Variants in PCDHGB5 observed in about 807,000 individuals in gnomAD.
PCDHGB5 encodes protocadherin gamma-B5.
In PCDHGB5, 48 loss-of-function variants were observed where a neutral mutation model predicts 62.9. That is an observed-to-expected ratio of 0.76 (90% CI 0.61 to 0.97). The LOEUF is 0.97. Ranked by LOEUF, PCDHGB5 falls within the 50% of genes least tolerant of loss-of-function variation. The pLI, the probability that PCDHGB5 is intolerant of heterozygous loss-of-function variation, is 0.00. For synonymous variants in PCDHGB5, 474 were observed against 511.2 expected, an observed-to-expected ratio of 0.93 and a Z score of 0.98; for missense variants, 1,118 against 1,198.6, an observed-to-expected ratio of 0.93 and a Z score of 0.99.
chr5:141,442,534 GA>G (rs1156284172), intron 1 of PCDHGB5: 1 of 152,222 alleles, frequency 6.6e-6, no homozygotes, highest in Non-Finnish European at 1.5e-5. Context: ...TCTCCAAGGT[GA>G]AAAATTCTTG....
chr5:141,500,433 T>C (rs1398344932), intron 2 of PCDHGB5, among the ~76,000 whole-genome samples: 1 of 151,764 alleles, frequency 6.6e-6, no homozygotes, highest in East Asian at 1.9e-4. Context: ...ATGGTCTCGA[T>C]CTCCTGACCT....
intron 1 of PCDHGB5, chr5:141,403,462 C>A: frequency 6.2e-7 from 1 of 1,614,050 alleles, no homozygotes; most frequent in South Asian, 1.1e-5. Flanking sequence ...TCCAGAGCTA[C>A]CAGCTCAGCC....
intron 1 of PCDHGB5, among the ~76,000 whole-genome samples, chr5:141,471,120 C>T (rs560582806): frequency 6.7e-6 from 1 of 149,470 alleles, no homozygotes; most frequent in South Asian, 2.1e-4. Context: ...GCGATCTTAC[C>T]TTCACTGCAA....
intron 1 of PCDHGB5, among the ~76,000 whole-genome samples, chr5:141,467,441 T>C (rs919148544): frequency 6.6e-6 from 1 of 152,340 alleles, no homozygotes; most frequent in African/African-American, 2.4e-5. Context: ...CATTCATTAC[T>C]TTTTTCTTCC....
At position 141,407,205 on chromosome 5, in the gene PCDHGB5, C is replaced by T. The variant is rs146299905; in HGVS notation, c.2397+6681C>T. 1.4e-3 allele frequency among the ~76,000 whole-genome samples: 213 copies of T among 152,308 alleles called. 1 individual carries two copies. Among genetic ancestry groups the T allele is most frequent in the African/African-American group, 4.8e-3 (199 of 41,572 alleles). On this transcript the variant is annotated intron_variant, in intron 1 of 3. Coordinates refer to ENST00000617380, the MANE Select transcript of PCDHGB5 (RefSeq NM_018925.3). ...ATTTTAATTATTTCAAACACGTTTTCCCCCTTAAGTGGGTAGCAAAAAAAA... is the reference window on the plus strand; with the variant it reads ...ATTTTAATTATTTCAAACACGTTTTTCCCCTTAAGTGGGTAGCAAAAAAAA...
At chr5:141,433,321 G>T in intron 1 of PCDHGB5, 1 of 788,106 alleles carries the variant, frequency 1.3e-6, no homozygotes. Flanking sequence ...TGCCTCCGGT[G>T]TAACAGGGAC....
At position 141,486,218 on chromosome 5, in the gene PCDHGB5, T is replaced by A. The variant is rs1467104398; in HGVS notation, c.2398-8589T>A. The A allele has an allele frequency of 2.5e-6, 4 of 1,614,004 alleles. No homozygotes were observed. The African/African-American group carries it at 5.3e-5, about 22-fold the overall frequency. On this transcript the variant is annotated intron_variant, in intron 1 of 3. Transcript: ENST00000617380. The surrounding 1 kb of genome is among the most constrained non-coding windows in gnomAD (Gnocchi z 5.0). ...GCTGGACGTAAATGACAATGCCCCT[T>A]ACATCACAGTGACCTCAGAGCTTGG...
At chr5:141,495,010 G>T (rs1327870362) in intron 2 of PCDHGB5, 145 bp downstream of exon 2, 1 of 1,516,970 alleles carries the variant, frequency 6.6e-7, no homozygotes, top group Non-Finnish European at 8.9e-7. Flanking sequence ...GTGTGCGGGG[G>T]GCTGGCACAC....
intron 1 of PCDHGB5, chr5:141,415,732 T>G (rs1159160519): frequency 5.0e-6 from 7 of 1,411,138 alleles, no homozygotes; most frequent in Non-Finnish European, 6.5e-6. Context: ...AATTTGATGT[T>G]TATTAAGGTT....
Position 141,491,586 on chromosome 5 carries a change from G to T in PCDHGB5, c.2398-3221G>T, listed in dbSNP as rs373990387. ...ACAGGACGTGCTTTTCACCGGCCTC[G>T]GACGGCAGTGACTTCACTTTTCTAA... On this transcript the variant is annotated intron_variant, in intron 1 of 3. Transcript: ENST00000617380. This position sits in a 1 kb window ranked among gnomAD's most constrained non-coding sequence, Gnocchi z 6.9. 2.1e-5 allele frequency: 34 copies of T among 1,613,792 alleles called. No individual in the cohort carries two copies. In the African/African-American group the frequency reaches 2.4e-4, roughly 11 times the overall value.
intron 1 of PCDHGB5, 146 bp from the exon 2 acceptor site, chr5:141,494,661 G>C (rs2099755951): frequency 6.7e-7 from 1 of 1,492,856 alleles, no homozygotes; most frequent in African/African-American, 1.4e-5. Context: ...TTTGTCTTTG[G>C]AGATGAGTCC....
chr5:141,499,493 A>G (rs1322531312), intron 2 of PCDHGB5, among the ~76,000 whole-genome samples: 1 of 152,222 alleles, frequency 6.6e-6, no homozygotes, highest in African/African-American at 2.4e-5. Context: ...CTACAGTTTA[A>G]TATGAAACAT....
chr5:141,491,901 G>C lies in PCDHGB5; in HGVS notation c.2398-2906G>C, dbSNP rs1196717010. 1 of 1,429,696 alleles carries C rather than the reference G, an allele frequency of 7.0e-7. No homozygotes were observed. The highest frequency in any genetic ancestry group is 9.3e-7 in the Non-Finnish European group (1 of 1,080,148). 88.6% of individuals were successfully genotyped at this position (1,429,696 alleles called of 1,614,324 possible). ...AAGGGATGGGGCTCCGAGCACCGGG[G>C]GTGGTGGCGACTGTGGGCGAGGGGA... On this transcript the variant is annotated intron_variant, in intron 1 of 3. Transcript: ENST00000617380. The surrounding 1 kb of genome is among the most constrained non-coding windows in gnomAD (Gnocchi z 6.9).
At chr5:141,464,000 T>C (rs1045842127) in intron 1 of PCDHGB5, among the ~76,000 whole-genome samples, 15 of 152,158 alleles carry the variant, frequency 9.9e-5, no homozygotes, top group Non-Finnish European at 1.3e-4. Context: ...GTGCAGTGGC[T>C]CATGCTTGTA....
At chr5:141,430,581 C>A in intron 1 of PCDHGB5, 1 of 483,436 alleles carries the variant, frequency 2.1e-6, no homozygotes, top group Non-Finnish European at 3.4e-6. Context: ...GGAGATCCTG[C>A]TCGCCTTGCA....
In PCDHGB5 at chr5:141,476,467, G is replaced by A. The variant is rs375302797; in HGVS notation, c.2398-18340G>A. On this transcript the variant is annotated intron_variant, in intron 1 of 3. Transcript: ENST00000617380. This position sits in a 1 kb window ranked among gnomAD's most constrained non-coding sequence, Gnocchi z 7.6. Reference sequence around the variant, plus strand: ...AGTTGGTAGTGGAGAACCCGCTGGAGCTGTTCAGCGTGGAAGTGGTGATCC... The same window carrying A: ...AGTTGGTAGTGGAGAACCCGCTGGAACTGTTCAGCGTGGAAGTGGTGATCC... The A allele has an allele frequency of 2.3e-5, 37 of 1,614,142 alleles. No individual in the cohort carries two copies. The African/African-American group carries it at 4.5e-4, about 20-fold the overall frequency.
At chr5:141,418,669 C>T (rs2096278985) in intron 1 of PCDHGB5, 1 of 1,614,018 alleles carries the variant, frequency 6.2e-7, no homozygotes, top group Non-Finnish European at 8.5e-7. Flanking sequence ...CTGACCAGGA[C>T]GAGGGCATCA....
chr5:141,472,980 C>CAAAAAAAAAAAAAAA (rs60579131), intron 1 of PCDHGB5, among the ~76,000 whole-genome samples: 13 of 86,076 alleles, frequency 1.5e-4, no homozygotes, highest in African/African-American at 1.9e-4. Context: ...GAGTGAAACT[C>CAAAAAAAAAAAAAAA]AAAAAAAAAA....
chr5:141,404,771 C>T lies in PCDHGB5; in HGVS notation c.2397+4247C>T, dbSNP rs376650362. On this transcript the variant is annotated intron_variant, in intron 1 of 3. Coordinates refer to ENST00000617380, the MANE Select transcript of PCDHGB5 (RefSeq NM_018925.3). Reference sequence around the variant, plus strand: ...AGGCCAGAATGCTTGGCTCTCCTACCGCCTATTCAAGGCCAGTGAGCCAGG... The same window carrying T: ...AGGCCAGAATGCTTGGCTCTCCTACTGCCTATTCAAGGCCAGTGAGCCAGG... The T allele has an allele frequency of 3.3e-5, 53 of 1,613,868 alleles. No homozygotes were observed. Among genetic ancestry groups the T allele is most frequent in the African/African-American group, 1.9e-4 (14 of 74,938 alleles).
Sources: gnomAD v4.1 joint callset for allele counts (sites outside exome capture counted in the v4.1 genomes callset) on GRCh38, gnomAD v4.1.1 for gene constraint, Gnocchi (gnomAD v3.1) non-coding constraint, MANE v1.5 for transcripts, NCBI Gene and HGNC (gene_info 2026-07-23, HGNC 2026-07-21) for gene names.